The following NF1 variants were observed in gnomAD, a reference collection of about 807,000 sequenced individuals.
NF1 encodes neurofibromin.
Under a neutral mutation model 325.7 loss-of-function variants are expected in NF1, and 122 were observed. The observed-to-expected ratio is 0.37, with a 90% confidence interval of 0.32 to 0.44. The LOEUF is 0.44. NF1 is among the 20% of genes least tolerant of loss of function. NF1 has a pLI of 1.00. For missense variants in NF1, 2,140 were observed against 3,415.4 expected, an observed-to-expected ratio of 0.63 and a Z score of 9.31; for synonymous variants, 1,091 against 1,186.0, an observed-to-expected ratio of 0.92 and a Z score of 1.65.
chr17:31,306,863 G>C lies in NF1; in HGVS notation c.4836-18957G>C, dbSNP rs113966761. Among the ~76,000 whole-genome samples the C allele has an allele frequency of 8.5e-3, 1,286 of 151,850 alleles. 27 individuals carry two copies. The highest frequency in any genetic ancestry group is 0.03 in the African/African-American group (1,228 of 41,438). On this transcript the variant is annotated intron_variant, in intron 36 of 57. Coordinates refer to ENST00000358273, the MANE Select transcript of NF1 (RefSeq NM_001042492.3). The stretch of plus-strand genomic sequence containing the variant: ...CAGATTCTAGTGATAGAAGCAAACA[G>C]TAAAGGCCAGGCGTAGTGGCTCATT...
At chr17:31,360,797 C>T (rs2070379703) in intron 57 of NF1, 94 bp downstream of exon 57, 2 of 1,137,564 alleles carry the variant, frequency 1.8e-6, no homozygotes, top group East Asian at 2.3e-5. Flanking sequence ...AAATTTTGCT[C>T]CTTTTTCTTA....
intron 55 of NF1, 51 bp downstream of exon 55, chr17:31,358,673 C>T (rs754824279): frequency 1.6e-5 from 25 of 1,598,134 alleles, no homozygotes; most frequent in Middle Eastern, 1.6e-4. Flanking sequence ...CTAACATGCG[C>T]GCTGTTGTAG....
chr17:31,360,707 A>C lies in NF1; in HGVS notation c.8377+4A>C. 1 of 1,604,452 alleles carries C rather than the reference A, an allele frequency of 6.2e-7. No homozygotes were observed. The highest frequency in any genetic ancestry group is 8.5e-7 in the Non-Finnish European group (1 of 1,171,166). On this transcript the variant is annotated splice_donor_region_variant and intron_variant, in intron 57 of 57. Transcript: ENST00000358273. ...GCAACTTCCCAGCATTCCCCAGGTC[A>C]GTAAATGTGATCTTTATATGACTTT...
At chr17:31,216,575 A>G (rs796903970) in intron 13 of NF1, among the ~76,000 whole-genome samples, 13 of 152,186 alleles carry the variant, frequency 8.5e-5, no homozygotes, top group African/African-American at 2.9e-4. Context: ...CTCAGCTTGC[A>G]TCGTTTCTTA....
chr17:31,119,575 T>C (rs1481059419), intron 1 of NF1, among the ~76,000 whole-genome samples: 1 of 152,066 alleles, frequency 6.6e-6, no homozygotes, highest in Non-Finnish European at 1.5e-5. Context: ...TATTCACTCA[T>C]GATAGTTTCT....
At chr17:31,199,307 C>T (rs1385320833) in intron 8 of NF1, among the ~76,000 whole-genome samples, 1 of 152,122 alleles carries the variant, frequency 6.6e-6, no homozygotes, top group Non-Finnish European at 1.5e-5. Context: ...ACGTTGGTTT[C>T]TAATTTCCTT....
chr17:31,132,535 A>C (rs1393248868), intron 1 of NF1, among the ~76,000 whole-genome samples: 1 of 152,006 alleles, frequency 6.6e-6, no homozygotes, highest in Admixed American at 6.6e-5. Context: ...GCAAGACTTC[A>C]TCTCAAAAAA....
chr17:31,201,494 A>G lies in NF1; in HGVS notation c.1260+9A>G, dbSNP rs1060503908. The G allele has an allele frequency of 1.9e-6, 3 of 1,601,224 alleles. No homozygotes were observed. Among genetic ancestry groups the G allele is most frequent in the Middle Eastern group, 3.3e-4 (2 of 6,036 alleles). ...ATCGAATCATCACCAATGTAAGTCC[A>G]AAAGGTATTGCTAAATTACTAAAAA... On this transcript the variant is annotated intron_variant, in intron 11 of 57. Transcript: ENST00000358273.
intron 14 of NF1, 40 bp downstream of exon 14, chr17:31,219,158 T>C: frequency 6.3e-7 from 1 of 1,575,386 alleles, no homozygotes; most frequent in Middle Eastern, 1.7e-4. Context: ...AAGGAAAGAT[T>C]GTAACTATGT....
At chr17:31,170,665 G>A (rs895080931) in intron 5 of NF1, among the ~76,000 whole-genome samples, 1 of 152,144 alleles carries the variant, frequency 6.6e-6, no homozygotes, top group East Asian at 1.9e-4. Context: ...ATTGAGATAT[G>A]TTCTGTAGTA....
chr17:31,294,798 A>T, intron 36 of NF1: 1 of 615,538 alleles, frequency 1.6e-6, no homozygotes, highest in Non-Finnish European at 2.8e-6. Flanking sequence ...TAGTTTACTT[A>T]ATTAAGACAG....
intron 36 of NF1, among the ~76,000 whole-genome samples, chr17:31,322,130 A>ACACACAC (rs2069216825): frequency 8.3e-6 from 1 of 120,330 alleles, no homozygotes; most frequent in Admixed American, 7.8e-5. Context: ...CACACACACA[A>ACACACAC]CTGTCAAACA....
intron 39 of NF1, 84 bp from the exon 40 acceptor site, chr17:31,334,754 T>C (rs749294101): frequency 1.7e-5 from 20 of 1,149,806 alleles, no homozygotes; most frequent in Non-Finnish European, 2.5e-5. Flanking sequence ...CCTTTTACCA[T>C]TTTTTCCCCG....
At chr17:31,304,591 G>A in intron 36 of NF1, 1 of 1,614,132 alleles carries the variant, frequency 6.2e-7, no homozygotes, top group Non-Finnish European at 8.5e-7. Context: ...GGGAGGTGGT[G>A]GAGGCAGATC....
At chr17:31,253,227 C>CA (rs1310345371) in intron 31 of NF1, 2 of 498,490 alleles carry the variant, frequency 4.0e-6, no homozygotes, top group Non-Finnish European at 7.3e-6. Context: ...AATTTGTGGG[C>CA]ATTTGTTGCA....
intron 1 of NF1, among the ~76,000 whole-genome samples, chr17:31,102,207 A>G (rs2143218845): frequency 6.6e-6 from 1 of 152,326 alleles, no homozygotes; most frequent in East Asian, 1.9e-4. Context: ...CAGGTTTCAG[A>G]TCTGATCAAC....
intron 36 of NF1, among the ~76,000 whole-genome samples, chr17:31,315,769 T>A (rs956891484): frequency 6.6e-6 from 1 of 152,178 alleles, no homozygotes. Flanking sequence ...ATGCACTGCT[T>A]TTTCCTGGTC....
At chr17:31,233,340 G>A (rs1420478872) in intron 27 of NF1, 127 bp downstream of exon 27, 1 of 975,926 alleles carries the variant, frequency 1.0e-6, no homozygotes, top group Admixed American at 2.0e-5. Flanking sequence ...AAGATGTTTA[G>A]TTAGGTGATT....
chr17:31,265,380 T>A lies in NF1; in HGVS notation c.4835+41T>A, dbSNP rs1418658740. The A allele has an allele frequency of 4.9e-6, 7 of 1,433,064 alleles. No homozygotes were observed. The East Asian group carries it at 6.9e-5, about 14-fold the overall frequency. 88.8% of individuals were successfully genotyped at this position (1,433,064 alleles called of 1,614,324 possible). A position where few individuals can be genotyped will look rare whatever the true frequency, so the allele number is the denominator to read the frequency against. On this transcript the variant is annotated intron_variant, in intron 36 of 57. Transcript: ENST00000358273. ...TTTTGGGTCTCTTAACAGAATTTTT[T>A]AAATTATAGCAAATATAGAGAGATG...
Sources: allele counts gnomAD v4.1 joint callset (sites outside exome capture counted in the v4.1 genomes callset), GRCh38; gene constraint gnomAD v4.1.1; transcripts MANE v1.5; gene names NCBI Gene and HGNC (gene_info 2026-07-23, HGNC 2026-07-21).